ATP8A2: variants seen among roughly 807,000 people sequenced by gnomAD.
ATP8A2 encodes phospholipid-transporting ATPase IB.
In ATP8A2, 100 loss-of-function variants were observed where a neutral mutation model predicts 165.6. The observed-to-expected ratio is 0.60, with a 90% CI of 0.51 to 0.71. The LOEUF (loss-of-function observed/expected upper bound fraction) is 0.71. Among genes scored for constraint, ATP8A2 ranks in the 30% least tolerant of loss-of-function variants. The probability of loss-of-function intolerance (pLI) is 0.00; values close to 1 mark genes in which losing one functional copy is unlikely to be tolerated. For synonymous variants in ATP8A2, 543 were observed against 548.8 expected, an observed-to-expected ratio of 0.99 and a Z score of 0.15; for missense variants, 1,227 against 1,479.5, an observed-to-expected ratio of 0.83 and a Z score of 2.80.
At chr13:25,961,097 A>G (rs986062863) in intron 33 of ATP8A2, among the ~76,000 whole-genome samples, 4 of 152,214 alleles carry the variant, frequency 2.6e-5, no homozygotes, top group Admixed American at 1.3e-4. Context: ...ACTATAACCT[A>G]TTCATCTTCC....
At chr13:25,587,555 A>G (rs1284433553) in intron 23 of ATP8A2, among the ~76,000 whole-genome samples, 1 of 152,234 alleles carries the variant, frequency 6.6e-6, no homozygotes, top group Non-Finnish European at 1.5e-5. Context: ...TAAAAATTAC[A>G]GCCAGCTTCT....
chr13:25,463,396 A>G (rs963391671), intron 1 of ATP8A2, among the ~76,000 whole-genome samples: 3 of 152,016 alleles, frequency 2.0e-5, no homozygotes, highest in Non-Finnish European at 4.4e-5. Flanking sequence ...TATGTTACAT[A>G]AAAGTTATCA....
intron 24 of ATP8A2, among the ~76,000 whole-genome samples, chr13:25,650,127 C>G (rs140976072): frequency 2.4e-4 from 37 of 152,252 alleles, no homozygotes; most frequent in African/African-American, 8.9e-4. Flanking sequence ...GGCCCTGGGC[C>G]AACTTGAGGG....
intron 30 of ATP8A2, among the ~76,000 whole-genome samples, chr13:25,849,809 C>T (rs1951962362): frequency 1.3e-5 from 2 of 152,174 alleles, no homozygotes; most frequent in Non-Finnish European, 2.9e-5. Flanking sequence ...GATCCTGGAG[C>T]CACACATAAC....
chr13:25,397,391 C>T lies in ATP8A2; in HGVS notation c.76+25103C>T, dbSNP rs548940859. On this transcript the variant is annotated intron_variant, in intron 1 of 36. Transcript: ENST00000381655. Reference sequence around the variant, plus strand: ...TGAACAAGTGGTTGAAATCCTGTGACGCTCAGGTCCCTTTCAGCCTGCCTA... The same window carrying T: ...TGAACAAGTGGTTGAAATCCTGTGATGCTCAGGTCCCTTTCAGCCTGCCTA... 3.7e-4 allele frequency among the ~76,000 whole-genome samples: 57 copies of T among 152,286 alleles called. 1 individual carries two copies. Among genetic ancestry groups the T allele is most frequent in the East Asian group, 3.5e-3 (18 of 5,176 alleles).
At chr13:25,777,070 C>T (rs1342759156) in intron 27 of ATP8A2, among the ~76,000 whole-genome samples, 6 of 152,048 alleles carry the variant, frequency 3.9e-5, no homozygotes, top group Admixed American at 1.3e-4. Flanking sequence ...GTGCCACATG[C>T]GTGCCTCAAA....
At chr13:25,538,991 T>A (rs556077764) in intron 7 of ATP8A2, among the ~76,000 whole-genome samples, 1 of 152,020 alleles carries the variant, frequency 6.6e-6, no homozygotes, top group Non-Finnish European at 1.5e-5. Context: ...GTTAGAAATA[T>A]TAAAATATTG....
At chr13:25,552,677 T>G (rs1178758833) in intron 11 of ATP8A2, among the ~76,000 whole-genome samples, 1 of 152,178 alleles carries the variant, frequency 6.6e-6, no homozygotes, top group Non-Finnish European at 1.5e-5. Flanking sequence ...TTGTAACTAT[T>G]GGAACTTAGA....
intron 25 of ATP8A2, chr13:25,705,111 A>G (rs1330178248): frequency 2.5e-6 from 1 of 406,006 alleles, no homozygotes; most frequent in Middle Eastern, 3.6e-4. Context: ...TGTTCAAGAA[A>G]GAGTTATCTG....
At chr13:25,857,800 AC>A (rs746032520) in intron 30 of ATP8A2, among the ~76,000 whole-genome samples, 33 of 151,718 alleles carry the variant, frequency 2.2e-4, no homozygotes, top group Middle Eastern at 3.2e-3. Context: ...TGAACTCCTG[AC>A]CTCAGGTGAT....
chr13:25,910,527 C>T (rs1177128278), intron 33 of ATP8A2, among the ~76,000 whole-genome samples: 1 of 151,988 alleles, frequency 6.6e-6, no homozygotes, highest in African/African-American at 2.4e-5. Flanking sequence ...GTGTGTGAGC[C>T]CTGCAGGTGT....
intron 24 of ATP8A2, among the ~76,000 whole-genome samples, chr13:25,685,190 C>T (rs2042575316): frequency 6.6e-6 from 1 of 152,174 alleles, no homozygotes; most frequent in Non-Finnish European, 1.5e-5. Flanking sequence ...GCCTCACACT[C>T]AGTTACTGAG....
intron 16 of ATP8A2, among the ~76,000 whole-genome samples, chr13:25,566,184 A>C (rs993529474): frequency 6.6e-6 from 1 of 152,060 alleles, no homozygotes; most frequent in East Asian, 1.9e-4. Context: ...TGATGCTGCT[A>C]TTCCGACTCA....
intron 2 of ATP8A2, among the ~76,000 whole-genome samples, chr13:25,473,259 AGTCTGTG>A (rs2035898445): frequency 6.6e-6 from 1 of 152,166 alleles, no homozygotes. Flanking sequence ...TTTGATCTGA[AGTCTGTG>A]GTAGGTTTAT....
At chr13:25,918,879 A>C (rs1052939164) in intron 33 of ATP8A2, among the ~76,000 whole-genome samples, 17 of 152,172 alleles carry the variant, frequency 1.1e-4, no homozygotes, top group Non-Finnish European at 2.1e-4. Context: ...ATTCCTCATA[A>C]AAATTATTAA....
chr13:25,926,348 A>G (rs1479906122), intron 33 of ATP8A2, among the ~76,000 whole-genome samples: 1 of 151,974 alleles, frequency 6.6e-6, no homozygotes, highest in East Asian at 1.9e-4. Context: ...ACTCCTACAC[A>G]TCTTTCAGGC....
At chr13:25,574,539 C>A (rs879896589) in intron 18 of ATP8A2, among the ~76,000 whole-genome samples, 4 of 152,164 alleles carry the variant, frequency 2.6e-5, no homozygotes, top group Non-Finnish European at 1.5e-5. Context: ...AGGTTTCTGA[C>A]GGACCTGTGC....
At chr13:25,427,196 C>T (rs534826614) in intron 1 of ATP8A2, among the ~76,000 whole-genome samples, 3 of 152,250 alleles carry the variant, frequency 2.0e-5, no homozygotes, top group African/African-American at 7.2e-5. Context: ...CTCCCCATTA[C>T]TGCCTGAGCT....
At chr13:25,694,371 C>A (rs2042791466) in intron 24 of ATP8A2, among the ~76,000 whole-genome samples, 2 of 152,188 alleles carry the variant, frequency 1.3e-5, no homozygotes, top group African/African-American at 4.8e-5. Flanking sequence ...TCTACTGTAG[C>A]ACCTGGATGC....
Sources: allele counts gnomAD v4.1 joint callset (sites outside exome capture counted in the v4.1 genomes callset), GRCh38; gene constraint gnomAD v4.1.1; transcripts MANE v1.5; gene names NCBI Gene and HGNC (gene_info 2026-07-23, HGNC 2026-07-21).